Variants in ATPAF2 observed in about 807,000 individuals in gnomAD.
The protein encoded by ATPAF2 is ATP synthase mitochondrial F1 complex assembly factor 2, also known as ATP12 homolog.
ATPAF2 carries 30 observed loss-of-function variants against 36.6 expected under a neutral mutation model. The ratio of observed to expected loss-of-function variants is 0.82; its 90% CI spans 0.61 to 1.11. ATPAF2 has a LOEUF of 1.11. Among genes scored for constraint, ATPAF2 ranks in the 50% most tolerant of loss-of-function variants. ATPAF2 has a pLI of 0.00. For missense variants in ATPAF2, 321 were observed against 372.3 expected (o/e 0.86, Z 1.13); for synonymous variants, 140 against 152.6 (o/e 0.92, Z 0.61).
chr17:18,024,059 T>C (rs960776312), intron 5 of ATPAF2, among the ~76,000 whole-genome samples: 11 of 152,276 alleles, frequency 7.2e-5, no homozygotes, highest in African/African-American at 2.4e-4. Flanking sequence ...TATGTTGTTC[T>C]GTTATTTTAT....
intron 7 of ATPAF2, among the ~76,000 whole-genome samples, chr17:18,019,094 C>T (rs1474908926): frequency 6.6e-6 from 1 of 151,866 alleles, no homozygotes; most frequent in African/African-American, 2.4e-5. Flanking sequence ...AAGCCAAGAT[C>T]ACACCGCTGC....
chr17:18,033,989 C>A (rs1009249561), intron 1 of ATPAF2, among the ~76,000 whole-genome samples: 5 of 152,016 alleles, frequency 3.3e-5, no homozygotes, highest in African/African-American at 1.2e-4. Flanking sequence ...CATGGTGGCA[C>A]GTGCCTGTAG....
Position 18,018,636 on chromosome 17 carries a change from C to T in ATPAF2, c.783G>A (p.Glu261=), listed in dbSNP as rs1442652226. The T allele has an allele frequency of 6.2e-7, 1 of 1,614,088 alleles. No individual in the cohort carries two copies. Among genetic ancestry groups the T allele is most frequent in the Non-Finnish European group, 8.5e-7 (1 of 1,180,014 alleles). ...TGCCGGCGGCGGTGCGGGCCCGCAG[C>T]TCCTGCAGCTCATAGTCATGGGCCC... The part of the protein sequence containing the change: ...IEWAHDYELQ[E]LRARTAAGTL... Residue 261 remains glutamate (E), a synonymous_variant, in exon 8 of 8, where the codon GAG becomes GAA. Transcript: ENST00000474627.
intron 7 of ATPAF2, among the ~76,000 whole-genome samples, chr17:18,019,187 C>CACACACACACACACACCA (rs1256217214): frequency 1.2e-4 from 5 of 40,428 alleles, no homozygotes; most frequent in African/African-American, 4.5e-4. Flanking sequence ...ACACACACAC[C>CACACACACACACACACCA]CCACCACCCC....
intron 1 of ATPAF2, among the ~76,000 whole-genome samples, chr17:18,036,105 C>T (rs2044699217): frequency 6.6e-6 from 1 of 152,208 alleles, no homozygotes; most frequent in African/African-American, 2.4e-5. Flanking sequence ...GTGACCCTTT[C>T]GTAAACTCCT....
intron 1 of ATPAF2, among the ~76,000 whole-genome samples, chr17:18,030,499 C>A (rs1273851866): frequency 7.3e-6 from 1 of 136,936 alleles, no homozygotes; most frequent in Non-Finnish European, 1.5e-5. Flanking sequence ...CAGAACAAGA[C>A]CCTGTCTCTT....
intron 7 of ATPAF2, among the ~76,000 whole-genome samples, chr17:18,019,187 C>CACACACACACACACACACACACACACA (rs1256217214): frequency 7.7e-4 from 31 of 40,454 alleles, no homozygotes; most frequent in African/African-American, 2.7e-3. Context: ...ACACACACAC[C>CACACACACACACACACACACACACACA]CCACCACCCC....
downstream of ATPAF2, chr17:18,016,581 GA>G: frequency 6.2e-7 from 1 of 1,613,726 alleles, no homozygotes. Flanking sequence ...AGATCATGAG[GA>G]ACCGCAAGCG....
At chr17:18,031,653 G>A (rs1022406376) in intron 1 of ATPAF2, among the ~76,000 whole-genome samples, 13 of 152,070 alleles carry the variant, frequency 8.5e-5, no homozygotes, top group Admixed American at 4.6e-4. Flanking sequence ...GGTGGCGGGC[G>A]CCTGTAGTCC....
In ATPAF2 at chr17:18,018,688, T is replaced by C. The variant is rs1262546007; in HGVS notation, c.733-2A>G. ...CTCAATGTTGCCCCACTTCTGGATC[T>C]GAGGGAAGGACAAGACAAGTTGCTG... On this transcript the variant is annotated splice_acceptor_variant, in intron 7 of 7. Coordinates refer to ENST00000474627, the MANE Select transcript of ATPAF2 (RefSeq NM_145691.4). LOFTEE classifies it high-confidence loss of function. 6.2e-7 allele frequency: 1 copy of C among 1,613,998 alleles called. No individual in the cohort carries two copies. Among genetic ancestry groups the C allele is most frequent in the African/African-American group, 1.3e-5 (1 of 75,056 alleles).
At chr17:18,028,740 T>C in intron 1 of ATPAF2, 81 bp from the exon 2 acceptor site, 1 of 1,250,378 alleles carries the variant, frequency 8.0e-7, no homozygotes, top group South Asian at 1.2e-5. Context: ...CTTGTATCAT[T>C]ACTGCTAATG....
chr17:18,037,736 C>A (rs1373918546), intron 1 of ATPAF2, among the ~76,000 whole-genome samples: 1 of 152,242 alleles, frequency 6.6e-6, no homozygotes, highest in African/African-American at 2.4e-5. Context: ...CAGCCAGCAT[C>A]AGATCCTAGA....
At chr17:18,036,575 CAAAA>C (rs751108869) in intron 1 of ATPAF2, among the ~76,000 whole-genome samples, 1 of 120,222 alleles carries the variant, frequency 8.3e-6, no homozygotes. Context: ...GACTCTGTCT[CAAAA>C]AAAAAAAAAA....
intron 3 of ATPAF2, 47 bp from the exon 4 acceptor site, chr17:18,026,463 G>T (rs763298041): frequency 4.1e-6 from 6 of 1,481,476 alleles, no homozygotes; most frequent in Non-Finnish European, 5.7e-6. Context: ...CGGGGCTCAG[G>T]CAAAAGCCCT....
At chr17:18,036,473 C>T (rs570337748) in intron 1 of ATPAF2, among the ~76,000 whole-genome samples, 7 of 151,226 alleles carry the variant, frequency 4.6e-5, no homozygotes, top group Admixed American at 4.0e-4. Flanking sequence ...CTACTCGGGA[C>T]GCTGAGGCAG....
chr17:18,020,108 T>TTTTG (rs60778568), intron 7 of ATPAF2, among the ~76,000 whole-genome samples: 55 of 151,550 alleles, frequency 3.6e-4, no homozygotes, highest in African/African-American at 7.5e-4. Context: ...TTTTGTGTTT[T>TTTTG]TTTGTTTGTT....
intron 1 of ATPAF2, among the ~76,000 whole-genome samples, chr17:18,028,921 A>T (rs1425609722): frequency 6.6e-6 from 1 of 152,038 alleles, no homozygotes; most frequent in Non-Finnish European, 1.5e-5. Flanking sequence ...CCTGGGGACA[A>T]GTCTGATCAG....
At chr17:18,015,875 T>C, downstream of ATPAF2, 1 of 613,248 alleles carries the variant, frequency 1.6e-6, no homozygotes, top group Admixed American at 2.9e-5. Flanking sequence ...CCCTGTGCAG[T>C]TGGGGAAGCG....
At position 18,038,866 on chromosome 17, in the gene ATPAF2, A is replaced by G. The variant is rs760334049; in HGVS notation, c.133+15T>C. On this transcript the variant is annotated intron_variant, in intron 1 of 7. Transcript: ENST00000474627. ...CAGCTCGGCCCCAACCCAAAAGAAC[A>G]TGTCATGGTCTTACCTGTCGGCGGG... The G allele has an allele frequency of 6.2e-7, 1 of 1,613,286 alleles. No individual in the cohort carries two copies.
Sources: gnomAD v4.1 joint callset for allele counts (sites outside exome capture counted in the v4.1 genomes callset) on GRCh38, gnomAD v4.1.1 for gene constraint, MANE v1.5 for transcripts, NCBI Gene and HGNC (gene_info 2026-07-23, HGNC 2026-07-21) for gene names.